Variants in DSCAM observed in about 807,000 individuals in gnomAD.
DSCAM encodes the protein cell adhesion molecule DSCAM.
In DSCAM, 47 loss-of-function variants were observed where a neutral mutation model predicts 217.7. The ratio of observed to expected loss-of-function variants is 0.22; its 90% CI spans 0.17 to 0.28. DSCAM has a LOEUF of 0.28. DSCAM is among the 10% of genes least tolerant of loss of function. DSCAM has a pLI of 1.00. For synonymous variants in DSCAM, 1,056 were observed against 1,015.3 expected (o/e 1.04, Z -0.76); for missense variants, 2,080 against 2,618.3 (o/e 0.79, Z 4.49).
intron 3 of DSCAM, among the ~76,000 whole-genome samples, chr21:40,632,993 G>T (rs2089712578): frequency 6.6e-6 from 1 of 152,156 alleles, no homozygotes; most frequent in African/African-American, 2.4e-5. Flanking sequence ...TATTCTCAGA[G>T]ATTTTGTAAA....
intron 1 of DSCAM, among the ~76,000 whole-genome samples, chr21:40,814,198 T>C (rs1040782653): frequency 3.3e-5 from 5 of 152,196 alleles, no homozygotes; most frequent in African/African-American, 4.8e-5. Context: ...CAGCATGGGC[T>C]GGGATGTGCC....
chr21:40,772,701 C>T (rs2091456093), intron 1 of DSCAM, among the ~76,000 whole-genome samples: 1 of 152,220 alleles, frequency 6.6e-6, no homozygotes, highest in Admixed American at 6.5e-5. Context: ...TTCCCAAATA[C>T]AGATAACTGC....
chr21:40,251,004 G>A (rs578033770), intron 11 of DSCAM, among the ~76,000 whole-genome samples: 2 of 152,336 alleles, frequency 1.3e-5, no homozygotes, highest in Admixed American at 1.3e-4. Context: ...CCTGAAAAGG[G>A]AGTGGAGGCC....
At position 40,533,616 on chromosome 21, in the gene DSCAM, T is replaced by TCCATCCATTCAACCATGATCCAA. The variant is rs1555852322; in HGVS notation, c.508+159193_508+159194insTTGGATCATGGTTGAATGGATGG. Among the ~76,000 whole-genome samples the TCCATCCATTCAACCATGATCCAA allele has an allele frequency of 1.3e-3, 183 of 141,210 alleles. 1 individual carries two copies. The highest frequency in any genetic ancestry group is 5.2e-3 in the African/African-American group (177 of 34,224). 92.6% of individuals were successfully genotyped at this position (141,210 alleles called of 152,430 possible). A position where few individuals can be genotyped will look rare whatever the true frequency, so the allele number is the denominator to read the frequency against. On this transcript the variant is annotated intron_variant, in intron 3 of 32. Coordinates refer to ENST00000400454, the MANE Select transcript of DSCAM (RefSeq NM_001389.5). ...ATCCACCTGTCTGTCCATCCATCCA[T>TCCATCCATTCAACCATGATCCAA]CCATCCATCCAACCCTCCATCCATC...
At chr21:40,359,917 C>A (rs537124811) in intron 4 of DSCAM, among the ~76,000 whole-genome samples, 2 of 152,070 alleles carry the variant, frequency 1.3e-5, no homozygotes, top group African/African-American at 2.4e-5. Flanking sequence ...TTGAATAAAC[C>A]GGATGGAGTT....
chr21:40,225,683 C>T (rs1379948006), intron 11 of DSCAM, among the ~76,000 whole-genome samples: 2 of 152,158 alleles, frequency 1.3e-5, no homozygotes, highest in East Asian at 3.9e-4. Flanking sequence ...AGGCCAGTTG[C>T]TTCCCTATCC....
At chr21:40,402,677 T>G (rs1367717536) in intron 3 of DSCAM, among the ~76,000 whole-genome samples, 1 of 98,292 alleles carries the variant, frequency 1.0e-5, no homozygotes, top group East Asian at 2.9e-4. Context: ...TTTTTATTTG[T>G]TTTTTTTTTT....
chr21:40,476,056 T>G (rs913411661), intron 3 of DSCAM, among the ~76,000 whole-genome samples: 1 of 152,076 alleles, frequency 6.6e-6, no homozygotes, highest in African/African-American at 2.4e-5. Flanking sequence ...AACCACCTCA[T>G]AGAGAAAGGG....
At chr21:40,440,203 G>A (rs1424136411) in intron 3 of DSCAM, among the ~76,000 whole-genome samples, 1 of 152,200 alleles carries the variant, frequency 6.6e-6, no homozygotes, top group Non-Finnish European at 1.5e-5. Flanking sequence ...TCAACCTAGT[G>A]GCAGTTCTCC....
At chr21:40,359,076 T>C (rs899990198) in intron 4 of DSCAM, among the ~76,000 whole-genome samples, 1 of 152,152 alleles carries the variant, frequency 6.6e-6, no homozygotes, top group Non-Finnish European at 1.5e-5. Context: ...AAAATCACAG[T>C]AAGACATGAC....
chr21:40,188,809 T>A (rs7282458), intron 12 of DSCAM, among the ~76,000 whole-genome samples: 2 of 150,380 alleles, frequency 1.3e-5, no homozygotes, highest in African/African-American at 4.9e-5. Context: ...TTTTACTACA[T>A]TTGGGTTCCC....
chr21:40,663,499 C>T (rs2090165619), intron 3 of DSCAM, among the ~76,000 whole-genome samples: 1 of 152,166 alleles, frequency 6.6e-6, no homozygotes, highest in Non-Finnish European at 1.5e-5. Context: ...ATCCAATTCT[C>T]CCTCTTAGAA....
At chr21:40,127,392 AG>A (rs2090106037) in intron 19 of DSCAM, among the ~76,000 whole-genome samples, 1 of 152,198 alleles carries the variant, frequency 6.6e-6, no homozygotes, top group Non-Finnish European at 1.5e-5. Flanking sequence ...AAACATTCTT[AG>A]TGACCACATT....
At chr21:40,158,150 C>T (rs528906226) in intron 16 of DSCAM, among the ~76,000 whole-genome samples, 4 of 152,156 alleles carry the variant, frequency 2.6e-5, no homozygotes, top group East Asian at 1.9e-4. Context: ...ATTAGGAGGC[C>T]GAGGCAGGAG....
intron 20 of DSCAM, among the ~76,000 whole-genome samples, chr21:40,116,130 A>G (rs1282898281): frequency 1.3e-5 from 2 of 152,152 alleles, no homozygotes; most frequent in Non-Finnish European, 2.9e-5. Context: ...AGAGGGGAAC[A>G]ACACACAACA....
At position 40,620,376 on chromosome 21, in the gene DSCAM, A is replaced by AAG. The variant is rs760511172; in HGVS notation, c.508+72432_508+72433dup. Among the ~76,000 whole-genome samples, 810 of 98,238 alleles carry AAG rather than the reference A, an allele frequency of 8.2e-3. 202 individuals are homozygous for AAG. The highest frequency in any genetic ancestry group is 0.013 in the Non-Finnish European group (515 of 40,158). 64.4% of individuals were successfully genotyped at this position (98,238 alleles called of 152,430 possible). A position where few individuals can be genotyped will look rare whatever the true frequency, so the allele number is the denominator to read the frequency against. On this transcript the variant is annotated intron_variant, in intron 3 of 32. Transcript: ENST00000400454. ...GAGAGAGAAAAAAGAAAAAGAAAGA[A>AAG]AGAAAGAAAGAGAAAGAAAGAAAGA...
intron 16 of DSCAM, among the ~76,000 whole-genome samples, chr21:40,162,484 G>A (rs761549461): frequency 9.9e-5 from 15 of 152,140 alleles, no homozygotes; most frequent in Admixed American, 6.5e-5. Context: ...CGATGACTAC[G>A]GAGGTCACTG....
rs1601300780 is a variant in DSCAM, at chr21:40,815,473, G to A, written c.43+31146C>T. 6.6e-5 allele frequency among the ~76,000 whole-genome samples: 10 copies of A among 152,176 alleles called. 2 individuals carry two copies. The South Asian group carries it at 1.7e-3, about 25-fold the overall frequency. On this transcript the variant is annotated intron_variant, in intron 1 of 32. Coordinates refer to ENST00000400454, the MANE Select transcript of DSCAM (RefSeq NM_001389.5). Reference sequence around the variant, plus strand: ...TAAAGCTGGCACCAACCCTCTGCTGGACAAATTAAAAGACAAAATTTTCCA... The same window carrying A: ...TAAAGCTGGCACCAACCCTCTGCTGAACAAATTAAAAGACAAAATTTTCCA...
chr21:40,273,506 C>T (rs2073646495), intron 11 of DSCAM, among the ~76,000 whole-genome samples: 1 of 152,178 alleles, frequency 6.6e-6, no homozygotes, highest in Non-Finnish European at 1.5e-5. Flanking sequence ...TGCCTGGAGT[C>T]TTTCAGTTTC....
Sources: allele counts gnomAD v4.1 joint callset (sites outside exome capture counted in the v4.1 genomes callset), GRCh38; gene constraint gnomAD v4.1.1; transcripts MANE v1.5; gene names NCBI Gene and HGNC (gene_info 2026-07-23, HGNC 2026-07-21).